RBM47: variants seen among roughly 807,000 people sequenced by gnomAD.
The protein encoded by RBM47 is RNA binding motif protein 47, also known as RNA-binding protein 47.
Under a neutral mutation model 47.1 loss-of-function variants are expected in RBM47, and 21 were observed. That is an observed-to-expected ratio of 0.45 (90% confidence interval 0.32 to 0.64). The LOEUF (loss-of-function observed/expected upper bound fraction) is 0.64, where lower values mean the gene tolerates loss of function less well. Among genes scored for constraint, RBM47 ranks in the 30% least tolerant of loss-of-function variants. The pLI is 0.05. For synonymous variants in RBM47, 375 were observed against 361.7 expected, an observed-to-expected ratio of 1.04 and a Z score of -0.42; for missense variants, 708 against 870.9, an observed-to-expected ratio of 0.81 and a Z score of 2.35.
intron 3 of RBM47, among the ~76,000 whole-genome samples, chr4:40,458,978 T>C (rs1297501877): frequency 6.6e-6 from 1 of 152,190 alleles, no homozygotes; most frequent in Non-Finnish European, 1.5e-5. Flanking sequence ...TGTGGGCTCT[T>C]TTATCAATTT....
chr4:40,439,792 A>T (rs903304422), intron 3 of RBM47, among the ~76,000 whole-genome samples: 2 of 152,196 alleles, frequency 1.3e-5, no homozygotes, highest in Non-Finnish European at 1.5e-5. Flanking sequence ...GCCCCATTTC[A>T]CACAGCAAGT....
chr4:40,537,276 T>TG (rs1311404666), intron 2 of RBM47, among the ~76,000 whole-genome samples: 14 of 114,504 alleles, frequency 1.2e-4, no homozygotes, highest in African/African-American at 7.4e-4. Context: ...CATGCCCAGC[T>TG]ATTTTTTTTT....
chr4:40,425,622 C>A lies in RBM47; in HGVS notation c.*282G>T. The A allele has an allele frequency of 3.5e-6, 1 of 282,262 alleles. No individual in the cohort carries two copies. Among genetic ancestry groups the A allele is most frequent in the Non-Finnish European group, 6.7e-6 (1 of 149,802 alleles). The allele number at this position is 282,262 out of a possible 1,614,324, so 17.5% of individuals were successfully genotyped here. On this transcript the variant is annotated 3_prime_UTR_variant, in exon 7 of 7. Transcript: ENST00000295971. ...TCCTTAAAAAAACAACAACAAAAAC[C>A]TCTATACAAATGTAGTACAGCATAC...
chr4:40,473,723 T>C (rs1719239332), intron 2 of RBM47, among the ~76,000 whole-genome samples: 1 of 152,234 alleles, frequency 6.6e-6, no homozygotes, highest in Non-Finnish European at 1.5e-5. Flanking sequence ...TAGAAAGTTT[T>C]TGAGGACTCA....
chr4:40,434,729 T>C (rs1031752526), intron 5 of RBM47, among the ~76,000 whole-genome samples: 1 of 126,812 alleles, frequency 7.9e-6, no homozygotes, highest in African/African-American at 3.3e-5. Context: ...AAAAAAAAAA[T>C]CATTACTAGA....
chr4:40,564,328 A>C (rs1730898376), intron 1 of RBM47, among the ~76,000 whole-genome samples: 1 of 152,244 alleles, frequency 6.6e-6, no homozygotes, highest in Non-Finnish European at 1.5e-5. Context: ...CATATGATAA[A>C]AATGGCAAAG....
chr4:40,557,653 G>A (rs375144322), intron 1 of RBM47, among the ~76,000 whole-genome samples: 1 of 152,138 alleles, frequency 6.6e-6, no homozygotes. Flanking sequence ...GGATGCTGAA[G>A]CAGGAGAATC....
In RBM47 at chr4:40,610,608, C is replaced by T. The variant is rs1736176589; in HGVS notation, c.-240+18788G>A. On this transcript the variant is annotated intron_variant, in intron 1 of 6. Coordinates refer to ENST00000295971, the MANE Select transcript of RBM47 (RefSeq NM_001098634.2). Reference sequence around the variant, plus strand: ...CTGGGGCGACAGAGTGAGACTCCATCTCAAAAAAAAAAAAAAAAAAAAAGA... The same window carrying T: ...CTGGGGCGACAGAGTGAGACTCCATTTCAAAAAAAAAAAAAAAAAAAAAGA... Among the ~76,000 whole-genome samples the T allele has an allele frequency of 1.2e-4, 13 of 109,396 alleles. No homozygotes were observed. The South Asian group carries it at 4.0e-3, about 34-fold the overall frequency. The allele number at this position is 109,396 out of a possible 152,430, so 71.8% of individuals were successfully genotyped here.
chr4:40,569,044 C>CAGAT (rs1299535913), intron 1 of RBM47, among the ~76,000 whole-genome samples: 64 of 149,688 alleles, frequency 4.3e-4, no homozygotes, highest in Non-Finnish European at 8.5e-4. Flanking sequence ...GACAGACAGA[C>CAGAT]AGACAGATAG....
rs767749216 is a variant in RBM47, at chr4:40,530,733, T to C, written c.-155+13689A>G. 3.3e-5 allele frequency among the ~76,000 whole-genome samples: 5 copies of C among 152,368 alleles called. No individual in the cohort carries two copies. The South Asian group carries it at 6.2e-4, about 19-fold the overall frequency. Reference sequence around the variant, plus strand: ...GTCACATTCATTCTGTCACTTTTCCTTCTTTTGCCTATGGCAAAAACCACT... The same window carrying C: ...GTCACATTCATTCTGTCACTTTTCCCTCTTTTGCCTATGGCAAAAACCACT... On this transcript the variant is annotated intron_variant, in intron 2 of 6. Transcript: ENST00000295971.
chr4:40,610,454 C>T (rs1012686916), intron 1 of RBM47, among the ~76,000 whole-genome samples: 2 of 151,516 alleles, frequency 1.3e-5, no homozygotes, highest in Admixed American at 6.6e-5. Context: ...ACTAAAAATA[C>T]AAAAAATTAG....
chr4:40,612,371 G>A (rs573965807), intron 1 of RBM47, among the ~76,000 whole-genome samples: 3 of 152,292 alleles, frequency 2.0e-5, no homozygotes, highest in Admixed American at 6.5e-5. Context: ...AAATAGCCAC[G>A]TGTAGTGGCA....
intron 2 of RBM47, among the ~76,000 whole-genome samples, chr4:40,487,964 C>A (rs1721340375): frequency 6.6e-6 from 1 of 152,028 alleles, no homozygotes; most frequent in Admixed American, 6.6e-5. Flanking sequence ...CACATCCTTT[C>A]TGTTCTTTAG....
intron 2 of RBM47, among the ~76,000 whole-genome samples, chr4:40,521,803 G>C (rs1726218365): frequency 6.6e-6 from 1 of 152,100 alleles, no homozygotes; most frequent in Non-Finnish European, 1.5e-5. Context: ...TAAATATGGG[G>C]GAACCTGGCT....
At position 40,540,220 on chromosome 4, in the gene RBM47, T is replaced by C. The variant is rs528345688; in HGVS notation, c.-155+4202A>G. On this transcript the variant is annotated intron_variant, in intron 2 of 6. Coordinates refer to ENST00000295971, the MANE Select transcript of RBM47 (RefSeq NM_001098634.2). ...GCCCCAATCTAAACACTTTACATGG[T>C]ATGTCTCAAAACATCACTATGTACC... Among the ~76,000 whole-genome samples, 4 of 152,276 alleles carry C rather than the reference T, an allele frequency of 2.6e-5. No homozygotes were observed. The South Asian group carries it at 8.3e-4, about 32-fold the overall frequency.
intron 2 of RBM47, among the ~76,000 whole-genome samples, chr4:40,540,813 C>G (rs2154261782): frequency 1.3e-5 from 2 of 149,984 alleles, no homozygotes; most frequent in South Asian, 4.2e-4. Context: ...TTTTAATCAG[C>G]TAACTTTAAG....
At chr4:40,493,679 G>A (rs1722199356) in intron 2 of RBM47, among the ~76,000 whole-genome samples, 1 of 151,834 alleles carries the variant, frequency 6.6e-6, no homozygotes, top group African/African-American at 2.4e-5. Flanking sequence ...AGCTACTTGG[G>A]AGGCTGAGGC....
intron 1 of RBM47, among the ~76,000 whole-genome samples, chr4:40,598,848 C>A (rs1322844478): frequency 9.4e-5 from 13 of 137,594 alleles, no homozygotes; most frequent in South Asian, 2.3e-4. Context: ...CTTGTAAAAC[C>A]AAAAAAAAAA....
chr4:40,574,910 A>G (rs1732144226), intron 1 of RBM47, among the ~76,000 whole-genome samples: 1 of 152,134 alleles, frequency 6.6e-6, no homozygotes, highest in Non-Finnish European at 1.5e-5. Flanking sequence ...AAAAATGAAG[A>G]GAACATCAGA....
Sources: allele counts gnomAD v4.1 joint callset (sites outside exome capture counted in the v4.1 genomes callset), GRCh38; gene constraint gnomAD v4.1.1; transcripts MANE v1.5; gene names NCBI Gene and HGNC (gene_info 2026-07-23, HGNC 2026-07-21).